The following IPPK variants were observed in gnomAD, a reference collection of about 807,000 sequenced individuals.
IPPK encodes the protein inositol-pentakisphosphate 2-kinase.
Under a neutral mutation model 64.6 loss-of-function variants are expected in IPPK, and 22 were observed. That is an observed-to-expected ratio of 0.34 (90% CI 0.24 to 0.49). The LOEUF (loss-of-function observed/expected upper bound fraction) is 0.49. Among genes scored for constraint, IPPK ranks in the 20% least tolerant of loss-of-function variants. IPPK has a pLI of 0.99. For synonymous variants in IPPK, 262 were observed against 247.2 expected (o/e 1.06, Z -0.56); for missense variants, 532 against 630.7 (o/e 0.84, Z 1.68).
intron 9 of IPPK, 100 bp downstream of exon 9, chr9:92,637,901 C>T: frequency 1.5e-6 from 2 of 1,304,148 alleles, no homozygotes; most frequent in African/African-American, 1.5e-5. Flanking sequence ...CCCCCAGAGC[C>T]CCCAGGAGGC....
At chr9:92,619,339 C>T (rs1228622385) in intron 12 of IPPK, 147 bp downstream of exon 12, 2 of 640,544 alleles carry the variant, frequency 3.1e-6, no homozygotes. Context: ...TTAGTAAGCC[C>T]CATGATGTCA....
intron 1 of IPPK, among the ~76,000 whole-genome samples, chr9:92,667,281 C>T (rs1421574090): frequency 6.6e-6 from 1 of 152,232 alleles, no homozygotes; most frequent in Non-Finnish European, 1.5e-5. Flanking sequence ...TGGGCGCATG[C>T]TCAGCATCCA....
chr9:92,632,044 A>G (rs764270842), intron 11 of IPPK, among the ~76,000 whole-genome samples: 1 of 152,220 alleles, frequency 6.6e-6, no homozygotes, highest in Non-Finnish European at 1.5e-5. Context: ...GCTGTTTAGC[A>G]AGAGTCTGTT....
intron 11 of IPPK, among the ~76,000 whole-genome samples, chr9:92,633,629 G>A (rs1304734141): frequency 2.6e-5 from 4 of 152,202 alleles, no homozygotes; most frequent in Non-Finnish European, 5.9e-5. Flanking sequence ...GCCTCCCAAA[G>A]TGCTGAGCCA....
intron 8 of IPPK, among the ~76,000 whole-genome samples, chr9:92,639,659 C>G (rs1852009766): frequency 6.6e-6 from 1 of 152,178 alleles, no homozygotes; most frequent in Admixed American, 6.5e-5. Context: ...ACATGCCAGC[C>G]TTATGACAGG....
intron 11 of IPPK, chr9:92,619,816 G>A (rs996191927): frequency 1.9e-4 from 101 of 531,978 alleles, no homozygotes; most frequent in Non-Finnish European, 6.1e-5. Context: ...CAAGCAGTGT[G>A]GGACCCCGAC....
chr9:92,632,095 A>C (rs1851856332), intron 11 of IPPK, among the ~76,000 whole-genome samples: 1 of 152,220 alleles, frequency 6.6e-6, no homozygotes, highest in African/African-American at 2.4e-5. Context: ...ATGAATGCAC[A>C]GTCTGTCTGA....
intron 6 of IPPK, among the ~76,000 whole-genome samples, chr9:92,643,246 C>G (rs1048061282): frequency 6.6e-6 from 1 of 152,186 alleles, no homozygotes; most frequent in African/African-American, 2.4e-5. Flanking sequence ...CTGGTATCCA[C>G]CAAACTTTAA....
At position 92,634,392 on chromosome 9, in the gene IPPK, T is replaced by C; in HGVS notation, c.1164A>G (p.Leu388=). The C allele has an allele frequency of 6.2e-7, 1 of 1,611,314 alleles. No individual in the cohort carries two copies. The highest frequency in any genetic ancestry group is 8.5e-7 in the Non-Finnish European group (1 of 1,177,338). ...TTTGGATGGGTCTGCCCACCTTCGT[T>C]AGCGCGAAGGCCACTGTCCCGTCAT... ...TEDDGTVAFA[L]TKVQQYRVAM... Residue 388 remains leucine, a synonymous_variant, in exon 11 of 13, where the codon CTA becomes CTG. Transcript: ENST00000287996.
intron 1 of IPPK, among the ~76,000 whole-genome samples, chr9:92,662,448 A>G (rs943268574): frequency 2.6e-5 from 4 of 152,052 alleles, no homozygotes; most frequent in Non-Finnish European, 5.9e-5. Flanking sequence ...ACTTGAACCC[A>G]GGAGGCAGAG....
At chr9:92,645,540 T>A (rs533874365) in intron 6 of IPPK, among the ~76,000 whole-genome samples, 1 of 152,150 alleles carries the variant, frequency 6.6e-6, no homozygotes, top group East Asian at 1.9e-4. Context: ...GATCTACACC[T>A]AGACACACCA....
In IPPK at chr9:92,625,142, TG is replaced by T. The variant is rs558014345; in HGVS notation, c.1171-5578del. Among the ~76,000 whole-genome samples, 8 of 152,322 alleles carry T rather than the reference TG, an allele frequency of 5.3e-5. No homozygotes were observed. In the East Asian group the frequency reaches 1.5e-3, roughly 29 times the overall value. On this transcript the variant is annotated intron_variant, in intron 11 of 12. Coordinates refer to ENST00000287996, the MANE Select transcript of IPPK (RefSeq NM_022755.6). Reference sequence around the variant, plus strand: ...TTTACTTTGTGACAAGTCAGTGGGTTGTATATTTTTTTCTGTGTACCTTTCT... The same window carrying T: ...TTTACTTTGTGACAAGTCAGTGGGTTTATATTTTTTTCTGTGTACCTTTCT...
chr9:92,660,583 C>A (rs1221348214), intron 1 of IPPK, among the ~76,000 whole-genome samples: 1 of 152,202 alleles, frequency 6.6e-6, no homozygotes. Context: ...CAGGCCAAGA[C>A]ACATGAGCTT....
At chr9:92,652,958 C>T (rs1852297984) in intron 3 of IPPK, among the ~76,000 whole-genome samples, 1 of 152,170 alleles carries the variant, frequency 6.6e-6, no homozygotes, top group Non-Finnish European at 1.5e-5. Context: ...ACAAAGCACC[C>T]CTTCCGAGCC....
chr9:92,641,526 A>G (rs1587631951), intron 7 of IPPK, among the ~76,000 whole-genome samples: 1 of 152,336 alleles, frequency 6.6e-6, no homozygotes, highest in East Asian at 1.9e-4. Flanking sequence ...ATGCTTCACA[A>G]TTCACAGCCT....
intron 1 of IPPK, among the ~76,000 whole-genome samples, chr9:92,662,204 T>C (rs1011876674): frequency 6.6e-6 from 1 of 152,194 alleles, no homozygotes; most frequent in Non-Finnish European, 1.5e-5. Context: ...CTTACCTTCT[T>C]CTTAACGTCT....
chr9:92,667,711 G>A (rs796910692), intron 1 of IPPK, among the ~76,000 whole-genome samples: 6 of 152,194 alleles, frequency 3.9e-5, no homozygotes, highest in African/African-American at 1.4e-4. Flanking sequence ...TTGAGGTCAG[G>A]AGTTTGAAAC....
Position 92,615,926 on chromosome 9 carries a change from T to C in IPPK, c.1382A>G (p.Tyr461Cys), listed in dbSNP as rs779526527. The change falls in exon 13 of 13, where the codon TAT becomes TGT. Residue 461 changes from tyrosine to cysteine, a missense_variant. Physicochemically the swap from Tyr to Cys is radical, Grantham distance 194. Coordinates refer to ENST00000287996, the MANE Select transcript of IPPK (RefSeq NM_022755.6). ...QYKLDGKIVN[Y>C]YSKTVRAKDN... is the part of the protein sequence containing the mutation. ...TTTGGCACGTACAGTCTTTGAATAA[T>C]AGTTGACGATCTTGCCGTCCAGTTT... 3 of 1,614,048 alleles carry C rather than the reference T, an allele frequency of 1.9e-6. No homozygotes were observed. The highest frequency in any genetic ancestry group is 3.3e-5 in the Admixed American group (2 of 59,998).
In IPPK at chr9:92,658,676, G is replaced by A. The variant is rs771931086; in HGVS notation, c.87C>T (p.Cys29=). 1.1e-5 allele frequency: 18 copies of A among 1,613,740 alleles called. No individual in the cohort carries two copies. In the African/African-American group the frequency reaches 1.5e-4, roughly 13 times the overall value. ...GAAACTTCAGAAACCGCAGCACGACGCAGCGCTGTTGGAAAATAAAACAAA... is the reference window on the plus strand; with the variant it reads ...GAAACTTCAGAAACCGCAGCACGACACAGCGCTGTTGGAAAATAAAACAAA... The part of the protein sequence containing the change: ...KSLVVAHAQR[C]VVLRFLKFPP... The change falls in exon 2 of 13, where the codon TGC becomes TGT. Residue 29 remains cysteine, a synonymous_variant. Transcript: ENST00000287996.
Sources: allele counts gnomAD v4.1 joint callset (sites outside exome capture counted in the v4.1 genomes callset), GRCh38; gene constraint gnomAD v4.1.1; transcripts MANE v1.5; gene names NCBI Gene and HGNC (gene_info 2026-07-23, HGNC 2026-07-21).